GRK7: variants seen among roughly 807,000 people sequenced by gnomAD.
The protein encoded by GRK7 is rhodopsin kinase GRK7.
GRK7 carries 24 observed loss-of-function variants against 34.1 expected under a neutral mutation model. The observed-to-expected ratio is 0.70, with a 90% CI of 0.51 to 0.99. GRK7 has a LOEUF of 0.99. GRK7 is among the 50% of genes least tolerant of loss of function. The pLI is 0.00. For missense variants in GRK7, 644 were observed against 707.3 expected (o/e 0.91, Z 1.02); for synonymous variants, 256 against 279.4 (o/e 0.92, Z 0.84).
chr3:141,817,098 C>A lies in GRK7; in HGVS notation c.*48C>A. 2 of 1,389,730 alleles carry A rather than the reference C, an allele frequency of 1.4e-6. No homozygotes were observed. Among genetic ancestry groups the A allele is most frequent in the South Asian group, 1.3e-5 (1 of 74,624 alleles). The allele number at this position is 1,389,730 out of a possible 1,614,324, so 86.1% of individuals were successfully genotyped here. On this transcript the variant is annotated 3_prime_UTR_variant, in exon 6 of 6. Coordinates refer to ENST00000682958, the MANE Select transcript of GRK7 (RefSeq NM_139209.3). ...CAGCAGGAGTCTCGGCTGACATAATCCTCGAATGTTCCACACGTGGAAATC... is the reference window on the plus strand; with the variant it reads ...CAGCAGGAGTCTCGGCTGACATAATACTCGAATGTTCCACACGTGGAAATC...
intron 4 of GRK7, among the ~76,000 whole-genome samples, chr3:141,799,297 G>A (rs1710925982): frequency 6.6e-6 from 1 of 152,148 alleles, no homozygotes; most frequent in African/African-American, 2.4e-5. Flanking sequence ...CTTCTATAGA[G>A]GCGGAATAAT....
Position 141,780,702 on chromosome 3 carries a change from A to T in GRK7, c.941A>T (p.Tyr314Phe). ...CACCTCCATGAACTCGGCATCGTCT[A>T]TCGGGACATGAAGCCTGAGAATGTG... Reference protein sequence around the residue: ...MLHLHELGIVYRDMKPENVLL... With the variant: ...MLHLHELGIVFRDMKPENVLL... Residue 314 changes from tyrosine (Y) to phenylalanine (F), a missense_variant, in exon 4 of 6, where the codon TAT (tyrosine) becomes TTT (phenylalanine). Tyr to Phe is a conservative substitution (Grantham distance 22). Transcript: ENST00000682958. The T allele has an allele frequency of 2.5e-6, 4 of 1,614,216 alleles. No homozygotes were observed. The highest frequency in any genetic ancestry group is 3.4e-6 in the Non-Finnish European group (4 of 1,180,046).
chr3:141,754,383 T>G, the GRK7 span, among the ~76,000 whole-genome samples: 1 of 152,064 alleles, frequency 6.6e-6, no homozygotes, highest in Non-Finnish European at 1.5e-5. Flanking sequence ...TTTTTTTTCT[T>G]TAGCAAGACA....
At chr3:141,760,416 TGA>T (rs202180146), upstream of GRK7, among the ~76,000 whole-genome samples, 718 of 140,008 alleles carry the variant, frequency 5.1e-3, 12 homozygotes, top group Admixed American at 0.033. Context: ...TCCATGTAGT[TGA>T]GCGGCTTTGA....
intron 3 of GRK7, among the ~76,000 whole-genome samples, 163 bp from the exon 4 acceptor site, chr3:141,780,211 A>G (rs2084664412): frequency 6.6e-6 from 1 of 152,222 alleles, no homozygotes; most frequent in Admixed American, 6.5e-5. Flanking sequence ...GTGAAGGAGT[A>G]TCGCACTGTA....
At chr3:141,775,905 T>C (rs1025323053) in intron 2 of GRK7, among the ~76,000 whole-genome samples, 4 of 152,150 alleles carry the variant, frequency 2.6e-5, no homozygotes, top group African/African-American at 9.7e-5. Context: ...TAAAAGAAAG[T>C]ATTAGCATGA....
chr3:141,770,499 G>A (rs1319401529), intron 1 of GRK7, among the ~76,000 whole-genome samples: 1 of 151,854 alleles, frequency 6.6e-6, no homozygotes, highest in East Asian at 1.9e-4. Context: ...GGGGCCAGCT[G>A]TTGCTGGGAG....
chr3:141,774,272 A>ATT (rs2084628994), intron 1 of GRK7, among the ~76,000 whole-genome samples: 1 of 152,012 alleles, frequency 6.6e-6, no homozygotes, highest in Admixed American at 6.6e-5. Context: ...AAATACAAAA[A>ATT]TTAGCCAGGT....
chr3:141,816,696 C>G lies in GRK7; in HGVS notation c.1326-18C>G. On this transcript the variant is annotated intron_variant, in intron 5 of 5. Transcript: ENST00000682958. The stretch of plus-strand genomic sequence containing the variant: ...TTTGTTAACTCTGTCTCAGGCTGAT[C>G]ATCTCCTTTCTTCACAGAGAAAAGT... The G allele has an allele frequency of 1.4e-6, 2 of 1,466,622 alleles. No individual in the cohort carries two copies. The highest frequency in any genetic ancestry group is 1.8e-6 in the Non-Finnish European group (2 of 1,089,314). 90.9% of individuals were successfully genotyped at this position (1,466,622 alleles called of 1,614,324 possible).
chr3:141,757,129 C>CTTTTTTTTTT, the GRK7 span, among the ~76,000 whole-genome samples: 57 of 101,320 alleles, frequency 5.6e-4, no homozygotes, highest in Non-Finnish European at 7.3e-4. Flanking sequence ...AGATCTTCTT[C>CTTTTTTTTTT]TTTTTTTTTT....
At chr3:141,777,527 G>A (rs1384567829) in intron 2 of GRK7, among the ~76,000 whole-genome samples, 1 of 109,790 alleles carries the variant, frequency 9.1e-6, no homozygotes, top group Non-Finnish European at 1.8e-5. Context: ...TAGTAGAGAC[G>A]GGGTTTCACC....
chr3:141,754,682 C>T, the GRK7 span, among the ~76,000 whole-genome samples: 2 of 151,968 alleles, frequency 1.3e-5, no homozygotes, highest in Non-Finnish European at 2.9e-5. Flanking sequence ...CCAGCTTTCA[C>T]AGTAAAGGAA....
chr3:141,810,178 AT>A (rs996473463), intron 5 of GRK7, among the ~76,000 whole-genome samples: 4 of 151,956 alleles, frequency 2.6e-5, no homozygotes, highest in African/African-American at 9.7e-5. Context: ...TCAAACTGCA[AT>A]CCTTCCCTGG....
At chr3:141,750,176 T>C in the GRK7 span, among the ~76,000 whole-genome samples, 1 of 152,220 alleles carries the variant, frequency 6.6e-6, no homozygotes, top group Admixed American at 6.5e-5. Flanking sequence ...CCATTACTTC[T>C]ATTAATAAAA....
rs376522433 is a variant in GRK7, at chr3:141,780,608, G to C, written c.847G>C (p.Val283Leu). Residue 283 changes from valine to leucine, a missense_variant, in exon 4 of 6, where the codon GTG becomes CTG. Transcript: ENST00000682958. ...GGDLKFHIYN[V>L]GTRGLDMSRV... ...AGACCTCAAGTTCCACATCTACAAC[G>C]TGGGCACGCGTGGCCTGGACATGAG... 2.5e-6 allele frequency: 4 copies of C among 1,614,082 alleles called. No individual in the cohort carries two copies. Among genetic ancestry groups the C allele is most frequent in the Admixed American group, 1.7e-5 (1 of 60,006 alleles).
At chr3:141,762,176 G>T (rs1425059341), upstream of GRK7, among the ~76,000 whole-genome samples, 2 of 150,090 alleles carry the variant, frequency 1.3e-5, no homozygotes, top group Non-Finnish European at 3.0e-5. Flanking sequence ...CGTTCCTTTG[G>T]AGGAGGAGAG....
At chr3:141,809,126 C>A (rs1008736786) in intron 5 of GRK7, among the ~76,000 whole-genome samples, 8 of 152,034 alleles carry the variant, frequency 5.3e-5, no homozygotes, top group Non-Finnish European at 1.2e-4. Flanking sequence ...CACTTGAACC[C>A]AGGAGGCGGA....
chr3:141,756,678 A>C, the GRK7 span, among the ~76,000 whole-genome samples: 42 of 152,138 alleles, frequency 2.8e-4, no homozygotes, highest in Non-Finnish European at 5.1e-4. Context: ...TTTTTTAAAA[A>C]AGAAAGAGAT....
intron 2 of GRK7, among the ~76,000 whole-genome samples, chr3:141,777,491 A>ATTTTTTTTTTTTTTTTTTTTTTTTT (rs530806848): frequency 1.6e-4 from 13 of 80,554 alleles, no homozygotes; most frequent in African/African-American, 6.5e-4. Context: ...AGCCCGGCTA[A>ATTTTTTTTTTTTTTTTTTTTTTTTT]TTTTTTTTTT....
Sources: gnomAD v4.1 joint callset for allele counts (sites outside exome capture counted in the v4.1 genomes callset) on GRCh38, gnomAD v4.1.1 for gene constraint, MANE v1.5 for transcripts, NCBI Gene and HGNC (gene_info 2026-07-23, HGNC 2026-07-21) for gene names.